Variants in NAALADL2 observed in about 807,000 individuals in gnomAD.
The protein encoded by NAALADL2 is N-acetylated alpha-linked acidic dipeptidase like 2.
In NAALADL2, 76 loss-of-function variants were observed where a neutral mutation model predicts 87.2. The observed-to-expected ratio is 0.87, with a 90% CI of 0.72 to 1.05. The LOEUF (loss-of-function observed/expected upper bound fraction) is 1.05, where lower values mean the gene tolerates loss of function less well. Ranked by LOEUF, NAALADL2 falls within the 50% of genes least tolerant of loss-of-function variation. The pLI, the probability that NAALADL2 is intolerant of heterozygous loss-of-function variation, is 0.00. For synonymous variants in NAALADL2, 354 were observed against 331.0 expected (o/e 1.07, Z -0.75); for missense variants, 1,089 against 945.8 (o/e 1.15, Z -1.99).
At chr3:174,612,997 AG>A (rs1300734269) in intron 2 of NAALADL2, among the ~76,000 whole-genome samples, 1 of 152,228 alleles carries the variant, frequency 6.6e-6, no homozygotes, top group Non-Finnish European at 1.5e-5. Flanking sequence ...TATCTGCATT[AG>A]GGGGCACCTC....
intron 1 of NAALADL2, among the ~76,000 whole-genome samples, chr3:175,091,608 A>G (rs932297807): frequency 1.3e-5 from 2 of 152,048 alleles, no homozygotes; most frequent in Non-Finnish European, 2.9e-5. Flanking sequence ...ATTACAGTCA[A>G]TGAATCAAGT....
At chr3:175,460,934 G>C (rs1723026689) in intron 6 of NAALADL2, among the ~76,000 whole-genome samples, 1 of 152,164 alleles carries the variant, frequency 6.6e-6, no homozygotes, top group Non-Finnish European at 1.5e-5. Context: ...CTCCTGGCTG[G>C]TGTGGCCAGC....
intron 1 of NAALADL2, among the ~76,000 whole-genome samples, chr3:174,976,024 C>T (rs73881581): frequency 0.02 from 3,112 of 152,212 alleles, 90 homozygotes; most frequent in African/African-American, 0.071. Context: ...GCTGCTAAGT[C>T]TGTGGTAATG....
intron 1 of NAALADL2, among the ~76,000 whole-genome samples, chr3:175,056,480 A>C (rs1712199672): frequency 6.6e-6 from 1 of 152,044 alleles, no homozygotes; most frequent in African/African-American, 2.4e-5. Context: ...TTCAACCTGG[A>C]TTCGAGCCCC....
chr3:175,217,293 C>A (rs1742698644), intron 2 of NAALADL2, among the ~76,000 whole-genome samples: 1 of 152,122 alleles, frequency 6.6e-6, no homozygotes, highest in Non-Finnish European at 1.5e-5. Flanking sequence ...GAGGAAAGCT[C>A]GCCCAGCAAC....
rs189682778 is a variant in NAALADL2, at chr3:175,305,801, C to T, written c.940-18374C>T. 2.6e-3 allele frequency among the ~76,000 whole-genome samples: 394 copies of T among 152,246 alleles called. 2 individuals are homozygous for T. The highest frequency in any genetic ancestry group is 9.1e-3 in the African/African-American group (379 of 41,562). On this transcript the variant is annotated intron_variant, in intron 4 of 13. Coordinates refer to ENST00000454872, the MANE Select transcript of NAALADL2 (RefSeq NM_207015.3). Reference sequence around the variant, plus strand: ...CCTCCCAAAGTGCTGGGATTACAGGCGTGAGCCACCGCACCTGGCGTATTT... The same window carrying T: ...CCTCCCAAAGTGCTGGGATTACAGGTGTGAGCCACCGCACCTGGCGTATTT...
chr3:174,811,963 C>T (rs978300712), intron 3 of NAALADL2, among the ~76,000 whole-genome samples: 1 of 152,020 alleles, frequency 6.6e-6, no homozygotes, highest in Non-Finnish European at 1.5e-5. Context: ...GTGGCACCTC[C>T]CCCTCTTTCT....
At chr3:175,689,660 A>G (rs1444809321) in intron 11 of NAALADL2, among the ~76,000 whole-genome samples, 1 of 152,162 alleles carries the variant, frequency 6.6e-6, no homozygotes, top group Non-Finnish European at 1.5e-5. Flanking sequence ...AATTTACAGG[A>G]TAAGTTGACT....
chr3:175,324,098 C>A (rs1760368915), intron 4 of NAALADL2, 77 bp from the exon 5 acceptor site: 1 of 1,077,334 alleles, frequency 9.3e-7, no homozygotes. Context: ...CTTATCATAG[C>A]CACATTGGCA....
chr3:174,701,905 G>C (rs537695842), intron 2 of NAALADL2, among the ~76,000 whole-genome samples: 1 of 152,062 alleles, frequency 6.6e-6, no homozygotes, highest in Non-Finnish European at 1.5e-5. Context: ...TAACATTTGC[G>C]TACAAGTCTT....
chr3:175,070,208 A>G (rs969612457), intron 1 of NAALADL2, among the ~76,000 whole-genome samples: 6 of 148,364 alleles, frequency 4.0e-5, no homozygotes, highest in African/African-American at 9.9e-5. Context: ...AAAAATTACA[A>G]TAAAAAATCT....
At chr3:175,526,783 T>C (rs1466327320) in intron 9 of NAALADL2, among the ~76,000 whole-genome samples, 1 of 152,142 alleles carries the variant, frequency 6.6e-6, no homozygotes, top group Non-Finnish European at 1.5e-5. Context: ...CCAGCAGAGA[T>C]GAGGAACTTT....
rs1394442772 is a variant in NAALADL2 at position 174,661,072 on chromosome 3, CTTAAA to C, written c.-114-76563_-114-76559del. 2.0e-5 allele frequency among the ~76,000 whole-genome samples: 3 copies of C among 152,112 alleles called. No homozygotes were observed. In the East Asian group the frequency reaches 5.8e-4, roughly 29 times the overall value. ...AGAGGCCTTACTCTTGATTAAAATG[CTTAAA>C]TTAAAAGATTCAGCTTCATTAAGGT... On this transcript the variant is annotated intron_variant, in intron 2 of 3. Coordinates refer to the NAALADL2 transcript ENST00000434257.
Position 175,796,828 on chromosome 3 carries a change from A to G in NAALADL2, c.2190-6177A>G, listed in dbSNP as rs552994669. Among the ~76,000 whole-genome samples the G allele has an allele frequency of 1.6e-3, 249 of 152,308 alleles. 1 individual carries two copies. The highest frequency in any genetic ancestry group is 5.6e-3 in the African/African-American group (234 of 41,558). ...AATGGATGGCATCCTGTGCCCATTT[A>G]TGAATATAAGAAGGAACATTTGAAA... On this transcript the variant is annotated intron_variant, in intron 13 of 13. Transcript: ENST00000454872.
chr3:174,659,095 T>C (rs1034967978), intron 2 of NAALADL2, among the ~76,000 whole-genome samples: 2 of 152,188 alleles, frequency 1.3e-5, no homozygotes, highest in Admixed American at 6.5e-5. Flanking sequence ...TTTATATCCT[T>C]ACTTGGTCTG....
intron 1 of NAALADL2, among the ~76,000 whole-genome samples, chr3:174,978,552 T>C (rs536283994): frequency 6.6e-6 from 1 of 152,248 alleles, no homozygotes; most frequent in Non-Finnish European, 1.5e-5. Flanking sequence ...TACTTGGCAA[T>C]GGACAGGAGA....
intron 2 of NAALADL2, among the ~76,000 whole-genome samples, chr3:174,677,243 T>A (rs553760082): frequency 6.6e-6 from 1 of 152,120 alleles, no homozygotes; most frequent in East Asian, 1.9e-4. Context: ...ACTAAACATA[T>A]TTTTTAGTTT....
chr3:175,044,783 T>C (rs1157251154), intron 1 of NAALADL2, among the ~76,000 whole-genome samples: 1 of 152,104 alleles, frequency 6.6e-6, no homozygotes, highest in Non-Finnish European at 1.5e-5. Context: ...TTGGTTTTGA[T>C]TTCTTTCTAG....
At chr3:175,590,386 GAAAT>G (rs1226995251) in intron 10 of NAALADL2, among the ~76,000 whole-genome samples, 1 of 150,100 alleles carries the variant, frequency 6.7e-6, no homozygotes, top group Non-Finnish European at 1.5e-5. Context: ...TCTGTATCTG[GAAAT>G]AAATATAGTA....
Sources: allele counts gnomAD v4.1 joint callset (sites outside exome capture counted in the v4.1 genomes callset), GRCh38; gene constraint gnomAD v4.1.1; transcripts MANE v1.5; gene names NCBI Gene and HGNC (gene_info 2026-07-23, HGNC 2026-07-21).